The following COL3A1 variants were observed in gnomAD, a reference collection of about 807,000 sequenced individuals.
COL3A1 encodes collagen type III alpha 1 chain.
Under a neutral mutation model 200.9 loss-of-function variants are expected in COL3A1, and 46 were observed. That is an observed-to-expected ratio of 0.23 (90% CI 0.18 to 0.29). The LOEUF is 0.29. Ranked by LOEUF, COL3A1 falls within the 10% of genes least tolerant of loss-of-function variation. The pLI, the probability that COL3A1 is intolerant of heterozygous loss-of-function variation, is 1.00. For synonymous variants in COL3A1, 650 were observed against 628.0 expected (o/e 1.03, Z -0.52); for missense variants, 1,367 against 1,917.6 (o/e 0.71, Z 5.36).
At position 189,010,841 on chromosome 2, in the gene COL3A1, C is replaced by A. The variant is rs1688708521; in HGVS notation, c.4205C>A (p.Ala1402Asp). ...LMGSNEGEFK[A>D]EGNSKFTYTV... Reference sequence around the variant, plus strand: ...GGGTCAAATGAAGGTGAATTCAAGGCTGAAGGAAATAGCAAATTCACCTAC... The same window carrying A: ...GGGTCAAATGAAGGTGAATTCAAGGATGAAGGAAATAGCAAATTCACCTAC... Residue 1402 changes from alanine (A) to aspartate (D), a missense_variant, in exon 50 of 51, where the codon GCT becomes GAT. Around this residue, in one of 5 missense-constraint regions of COL3A1, gnomAD observed 846 missense variants for 1,147.9 expected, o/e 0.74. Coordinates refer to ENST00000304636, the MANE Select transcript of COL3A1 (RefSeq NM_000090.4). The A allele has an allele frequency of 6.2e-7, 1 of 1,614,094 alleles. No individual in the cohort carries two copies. The highest frequency in any genetic ancestry group is 1.3e-5 in the African/African-American group (1 of 75,016).
intron 31 of COL3A1, 61 bp from the exon 32 acceptor site, chr2:188,999,781 T>C: frequency 6.5e-7 from 1 of 1,544,040 alleles, no homozygotes; most frequent in South Asian, 1.2e-5. Context: ...GTTACTCCTC[T>C]TCTTGGCTGA....
rs1688583589 is a variant in COL3A1 at position 189,006,259 on chromosome 2, G to A, written c.3093G>A (p.Lys1031=). The change falls in exon 42 of 51, where the codon AAG becomes AAA. Residue 1031 remains lysine (K), a splice_region_variant and synonymous_variant. Coordinates refer to ENST00000304636, the MANE Select transcript of COL3A1 (RefSeq NM_000090.4). ...LPGRDGSPGG[K]GDRGENGSPG... is the part of the protein sequence containing the mutation. ...GCCGAGATGGATCTCCTGGTGGCAA[G>A]GTATAATAAACACATGTGCAATTGA... 1 of 1,614,144 alleles carries A rather than the reference G, an allele frequency of 6.2e-7. No individual in the cohort carries two copies. The highest frequency in any genetic ancestry group is 8.5e-7 in the Non-Finnish European group (1 of 1,180,002).
intron 16 of COL3A1, 66 bp downstream of exon 16, chr2:188,993,525 T>TGGA: frequency 7.6e-7 from 1 of 1,320,180 alleles, no homozygotes; most frequent in Non-Finnish European, 1.1e-6. Context: ...CATAGTTTCA[T>TGGA]GCTTACTCCA....
At position 189,011,808 on chromosome 2, in the gene COL3A1, T is replaced by G. The variant is rs191843385; in HGVS notation, c.*34T>G. The G allele has an allele frequency of 7.4e-3, 11,891 of 1,611,902 alleles. 58 individuals carry two copies. The highest frequency in any genetic ancestry group is 8.9e-3 in the Non-Finnish European group (10,535 of 1,178,160). ...CTATCTGAAATCCCAACAAAAAAAA[T>G]TTAACTCCATATGTGTTCCTCTTGT... On this transcript the variant is annotated 3_prime_UTR_variant, in exon 51 of 51. Transcript: ENST00000304636.
chr2:188,993,498 T>C, intron 16 of COL3A1, 39 bp downstream of exon 16: 1 of 1,441,474 alleles, frequency 6.9e-7, no homozygotes, highest in Non-Finnish European at 9.4e-7. Context: ...CATAGTTTCA[T>C]GCTTACTCCA....
intron 11 of COL3A1, 107 bp from the exon 12 acceptor site, chr2:188,991,380 T>A (rs1476769551): frequency 5.6e-6 from 4 of 714,044 alleles, no homozygotes; most frequent in Non-Finnish European, 9.1e-6. Flanking sequence ...TTAAAATGTA[T>A]ATCTTTTTCT....
rs754313098 is a variant in COL3A1 at position 188,996,296 on chromosome 2, C to CTA, written c.1663-93_1663-92dup. On this transcript the variant is annotated intron_variant, in intron 23 of 50. Coordinates refer to ENST00000304636, the MANE Select transcript of COL3A1 (RefSeq NM_000090.4). ...TATATATATATATGTATATGTATAT[C>CTA]TATATATATACACACACACACACAC... is the stretch of plus-strand genomic sequence containing the variant. The CTA allele has an allele frequency of 2.9e-3, 1,913 of 650,850 alleles. 3 individuals carry two copies. Among genetic ancestry groups the CTA allele is most frequent in the Non-Finnish European group, 3.2e-3 (1,337 of 413,768 alleles). 40.3% of individuals were successfully genotyped at this position (650,850 alleles called of 1,614,324 possible).
chr2:189,006,004 T>A (rs999831754), intron 41 of COL3A1, among the ~76,000 whole-genome samples: 2 of 152,088 alleles, frequency 1.3e-5, no homozygotes, highest in Non-Finnish European at 2.9e-5. Context: ...TAATCACCTC[T>A]CCTCCATGAA....
intron 13 of COL3A1, 102 bp from the exon 14 acceptor site, chr2:188,992,082 G>A: frequency 2.7e-6 from 3 of 1,095,784 alleles, no homozygotes; most frequent in Non-Finnish European, 2.8e-6. Context: ...TAATGTACTT[G>A]AAGAAAACTC....
intron 22 of COL3A1, 130 bp from the exon 23 acceptor site, chr2:188,995,995 A>G (rs2153502595): frequency 1.0e-6 from 1 of 988,490 alleles, no homozygotes; most frequent in Non-Finnish European, 1.6e-6. Context: ...TACTTTATAG[A>G]CAGGAAAAAA....
intron 50 of COL3A1, among the ~76,000 whole-genome samples, chr2:189,011,262 T>G (rs1215473117): frequency 1.3e-5 from 2 of 152,242 alleles, no homozygotes; most frequent in Non-Finnish European, 2.9e-5. Context: ...TATTGTTATT[T>G]GTGAACAAAG....
chr2:188,983,584 A>C (rs1687999609), intron 1 of COL3A1, among the ~76,000 whole-genome samples: 1 of 151,940 alleles, frequency 6.6e-6, no homozygotes, highest in Admixed American at 6.6e-5. Context: ...CCAGATGGAA[A>C]AATCTTAGGA....
At chr2:188,990,949 C>T in intron 10 of COL3A1, 55 bp from the exon 11 acceptor site, 1 of 1,536,460 alleles carries the variant, frequency 6.5e-7, no homozygotes, top group Non-Finnish European at 9.0e-7. Context: ...CTTTATCAAT[C>T]ATTCTAGATT....
chr2:188,998,945 G>A lies in COL3A1; in HGVS notation c.2022+227G>A, dbSNP rs41263769. Reference sequence around the variant, plus strand: ...TCATAATCACTACAGAATCAAATACGGGCTTAAAATTTCAAACGGAAAAAT... The same window carrying A: ...TCATAATCACTACAGAATCAAATACAGGCTTAAAATTTCAAACGGAAAAAT... On this transcript the variant is annotated intron_variant, in intron 29 of 50. Coordinates refer to ENST00000304636, the MANE Select transcript of COL3A1 (RefSeq NM_000090.4). Among the ~76,000 whole-genome samples, 633 of 152,162 alleles carry A rather than the reference G, an allele frequency of 4.2e-3. 4 individuals are homozygous for A. Among genetic ancestry groups the A allele is most frequent in the African/African-American group, 0.014 (589 of 41,516 alleles).
chr2:188,988,812 G>C (rs909832476), intron 7 of COL3A1, among the ~76,000 whole-genome samples, 169 bp downstream of exon 7: 1 of 151,906 alleles, frequency 6.6e-6, no homozygotes, highest in African/African-American at 2.4e-5. Context: ...TCAATTGTTA[G>C]CTATCTTAGA....
chr2:188,980,716 A>G, intron 1 of COL3A1, among the ~76,000 whole-genome samples: 1 of 150,958 alleles, frequency 6.6e-6, no homozygotes, highest in East Asian at 2.0e-4. Context: ...GTAATCTAAC[A>G]TATTTTAAGA....
rs1425643751 is a variant in COL3A1, at chr2:189,008,018, T to A, written c.3418-17T>A. 1 of 1,614,036 alleles carries A rather than the reference T, an allele frequency of 6.2e-7. No homozygotes were observed. On this transcript the variant is annotated splice_polypyrimidine_tract_variant and intron_variant, in intron 46 of 50. Coordinates refer to ENST00000304636, the MANE Select transcript of COL3A1 (RefSeq NM_000090.4). Reference sequence around the variant, plus strand: ...AGAAAGATATTCTGGCATTGTGATGTCATGATACTTTCTTAGGGACCTGTT... The same window carrying A: ...AGAAAGATATTCTGGCATTGTGATGACATGATACTTTCTTAGGGACCTGTT...
chr2:188,990,381 G>GT, intron 10 of COL3A1, 21 bp downstream of exon 10: 1 of 1,605,840 alleles, frequency 6.2e-7, no homozygotes, highest in East Asian at 2.2e-5. Flanking sequence ...TTTCTAAGTT[G>GT]TTTACAAGGT....
Position 189,008,090 on chromosome 2 carries a change from G to C in COL3A1, c.3473G>C (p.Gly1158Ala). The C allele has an allele frequency of 6.2e-7, 1 of 1,614,016 alleles. No individual in the cohort carries two copies. The highest frequency in any genetic ancestry group is 8.5e-7 in the Non-Finnish European group (1 of 1,179,942). Residue 1158 changes from glycine (G) to alanine (A), a missense_variant, in exon 47 of 51, where the codon GGT becomes GCT. By Grantham distance (60) the Gly-to-Ala change is moderately conservative. Transcript: ENST00000304636. ...PGKDGTSGHP[G>A]PIGPPGPRGN... ...AAAGATGGAACCAGTGGACATCCAG[G>C]TCCCATTGGACCACCAGGGCCTCGA...
Sources: allele counts gnomAD v4.1 joint callset (sites outside exome capture counted in the v4.1 genomes callset), GRCh38; gene constraint gnomAD v4.1.1; regional missense constraint gnomAD v4.1.1; transcripts MANE v1.5; gene names NCBI Gene and HGNC (gene_info 2026-07-23, HGNC 2026-07-21).